Variants in WWC2 observed in about 807,000 individuals in gnomAD.
WWC2 encodes protein WWC2.
In WWC2, 101 loss-of-function variants were observed where a neutral mutation model predicts 138.5. The observed-to-expected ratio is 0.73, with a 90% confidence interval of 0.62 to 0.86. WWC2 has a LOEUF of 0.86. Among genes scored for constraint, WWC2 ranks in the 40% least tolerant of loss-of-function variants. The probability of loss-of-function intolerance (pLI) is 0.00; values close to 1 mark genes in which losing one functional copy is unlikely to be tolerated. For missense variants in WWC2, 1,420 were observed against 1,419.4 expected (o/e 1.00, Z -0.01); for synonymous variants, 558 against 538.4 (o/e 1.04, Z -0.50).
At chr4:183,210,248 TA>T (rs1162075414) in intron 4 of WWC2, among the ~76,000 whole-genome samples, 2 of 152,066 alleles carry the variant, frequency 1.3e-5, no homozygotes, top group Non-Finnish European at 2.9e-5. Context: ...AGATAGAGAA[TA>T]AAACAGTGGT....
chr4:183,198,089 C>A (rs1735193048), intron 2 of WWC2, among the ~76,000 whole-genome samples: 1 of 152,104 alleles, frequency 6.6e-6, no homozygotes, highest in Non-Finnish European at 1.5e-5. Context: ...TGTGGTCGCA[C>A]CTACTTGGGA....
chr4:183,264,319 A>T (rs1737425521), intron 11 of WWC2, among the ~76,000 whole-genome samples: 1 of 152,224 alleles, frequency 6.6e-6, no homozygotes, highest in South Asian at 2.1e-4. Flanking sequence ...GCAGCTCATT[A>T]CAGTACAGAG....
intron 9 of WWC2, 58 bp downstream of exon 9, chr4:183,254,057 A>C (rs1737065350): frequency 6.4e-7 from 1 of 1,569,132 alleles, no homozygotes; most frequent in African/African-American, 1.4e-5. Context: ...TCTTAACTGG[A>C]TACTATTTTC....
rs1251854404 is a variant in WWC2, at chr4:183,265,941, A to G, written c.2197A>G (p.Thr733Ala). ...RNLHAFLIPH[T>A]SKVYFRVAVL... ...CCTTCATGCCTTCTTGATACCTCATACTTCAAAAGTGTAAGTAAAATCAGC... is the reference window on the plus strand; with the variant it reads ...CCTTCATGCCTTCTTGATACCTCATGCTTCAAAAGTGTAAGTAAAATCAGC... The change falls in exon 14 of 23, where the codon ACT becomes GCT. Residue 733 changes from threonine to alanine, a missense_variant. Transcript: ENST00000403733. 6.2e-7 allele frequency: 1 copy of G among 1,611,866 alleles called. No homozygotes were observed. The highest frequency in any genetic ancestry group is 8.5e-7 in the Non-Finnish European group (1 of 1,178,924).
chr4:183,228,695 G>C (rs1434827105), intron 4 of WWC2, among the ~76,000 whole-genome samples: 1 of 152,078 alleles, frequency 6.6e-6, no homozygotes, highest in African/African-American at 2.4e-5. Flanking sequence ...TTAAGGATGT[G>C]GGGCAGCTGG....
intron 17 of WWC2, chr4:183,281,206 G>T: frequency 2.5e-6 from 1 of 407,560 alleles, no homozygotes. Context: ...GCTTATTGTA[G>T]AGTTATAGAT....
At position 183,320,224 on chromosome 4, in the gene WWC2, T is replaced by C. The variant is rs1203717619; in HGVS notation, c.*4495T>C. 3.1e-6 allele frequency: 5 copies of C among 1,608,792 alleles called. No homozygotes were observed. In the Admixed American group the frequency reaches 5.1e-5, roughly 16 times the overall value. On this transcript the variant is annotated 3_prime_UTR_variant, in exon 23 of 23. Transcript: ENST00000403733. ...GTTCTAAATACTAAAGCCATTATAATGTCCTGAGAGCTTTAGCCAAACTAA... is the reference window on the plus strand; with the variant it reads ...GTTCTAAATACTAAAGCCATTATAACGTCCTGAGAGCTTTAGCCAAACTAA...
intron 2 of WWC2, among the ~76,000 whole-genome samples, chr4:183,197,775 C>G (rs879187899): frequency 6.6e-6 from 1 of 152,072 alleles, no homozygotes; most frequent in African/African-American, 2.4e-5. Flanking sequence ...TTTACATACA[C>G]AAAAATGCAC....
intron 4 of WWC2, among the ~76,000 whole-genome samples, chr4:183,235,141 G>T (rs1049717620): frequency 1.3e-5 from 2 of 152,118 alleles, no homozygotes; most frequent in Non-Finnish European, 2.9e-5. Context: ...AATCATTCAG[G>T]TTGTCCATTA....
intron 15 of WWC2, among the ~76,000 whole-genome samples, chr4:183,270,408 T>C (rs1737661255): frequency 6.6e-6 from 1 of 152,186 alleles, no homozygotes; most frequent in Non-Finnish European, 1.5e-5. Context: ...GTGGAGTTTT[T>C]ATTTTTTTTT....
chr4:183,268,681 T>C (rs1399888363), intron 14 of WWC2, among the ~76,000 whole-genome samples: 1 of 152,174 alleles, frequency 6.6e-6, no homozygotes, highest in Non-Finnish European at 1.5e-5. Context: ...TAAATTCGTC[T>C]GCCCTACGGA....
Position 183,259,630 on chromosome 4 carries a change from T to C in WWC2, c.1197-9T>C, listed in dbSNP as rs745585647. The stretch of plus-strand genomic sequence containing the variant: ...ATAATCATTTGAAAATAATTTTTTT[T>C]CTTCCTAGATTGAGATTGGAAGAGA... On this transcript the variant is annotated splice_polypyrimidine_tract_variant and intron_variant, in intron 9 of 22. Transcript: ENST00000403733. The C allele has an allele frequency of 2.9e-5, 43 of 1,508,348 alleles. 2 individuals carry two copies. In the South Asian group the frequency reaches 5.5e-4, roughly 19 times the overall value. 93.4% of individuals were successfully genotyped at this position (1,508,348 alleles called of 1,614,324 possible).
chr4:183,107,316 C>G (rs1042359345), intron 1 of WWC2, among the ~76,000 whole-genome samples: 1 of 152,128 alleles, frequency 6.6e-6, no homozygotes, highest in Non-Finnish European at 1.5e-5. Flanking sequence ...CACAAGCCAC[C>G]ATGCCTGGGC....
chr4:183,113,509 T>TGCGCGCGC (rs1478298386), intron 1 of WWC2, among the ~76,000 whole-genome samples: 1 of 139,664 alleles, frequency 7.2e-6, no homozygotes, highest in Non-Finnish European at 1.5e-5. Flanking sequence ...TGTGTGTGTG[T>TGCGCGCGC]GTGTGTGCGC....
intron 21 of WWC2, among the ~76,000 whole-genome samples, chr4:183,293,718 A>G (rs1738539431): frequency 6.6e-6 from 1 of 152,236 alleles, no homozygotes; most frequent in African/African-American, 2.4e-5. Flanking sequence ...TATTATAAAT[A>G]GTAAGAGTTT....
intron 2 of WWC2, among the ~76,000 whole-genome samples, chr4:183,195,806 A>C (rs976566005): frequency 6.6e-6 from 1 of 151,972 alleles, no homozygotes; most frequent in Admixed American, 6.6e-5. Flanking sequence ...CACTTCCTCC[A>C]TTGTTCTCCA....
Position 183,317,700 on chromosome 4 carries a change from G to A in WWC2, c.*1971G>A, listed in dbSNP as rs1739487903. The stretch of plus-strand genomic sequence containing the variant: ...CTGTTTAATATATAGTTTGATTCTG[G>A]CCATTTTAAATATTTGACACAGAAG... On this transcript the variant is annotated 3_prime_UTR_variant, in exon 23 of 23. Coordinates refer to ENST00000403733, the MANE Select transcript of WWC2 (RefSeq NM_024949.6). 1 of 152,160 alleles carries A rather than the reference G, an allele frequency of 6.6e-6. No individual in the cohort carries two copies. Among genetic ancestry groups the A allele is most frequent in the Non-Finnish European group, 1.5e-5 (1 of 67,976 alleles). The allele number at this position is 152,160 out of a possible 1,614,324, so 9.4% of individuals were successfully genotyped here.
intron 1 of WWC2, among the ~76,000 whole-genome samples, chr4:183,182,893 T>A (rs986242318): frequency 1.3e-5 from 2 of 152,246 alleles, no homozygotes; most frequent in Admixed American, 6.5e-5. Context: ...TTTGAAAGAA[T>A]AAATTACAAC....
rs989935021 is a variant in WWC2, at chr4:183,320,548, G to A, written c.*4819G>A. 9.8e-6 allele frequency: 3 copies of A among 305,866 alleles called. No individual in the cohort carries two copies. The highest frequency in any genetic ancestry group is 2.2e-5 in the African/African-American group (1 of 46,376). The allele number at this position is 305,866 out of a possible 1,614,324, so 18.9% of individuals were successfully genotyped here. Reference sequence around the variant, plus strand: ...TTGTCAAGGTTAAAATGGCTTTCATGTTATTCCCAACCTTTCTAACAAAGA... The same window carrying A: ...TTGTCAAGGTTAAAATGGCTTTCATATTATTCCCAACCTTTCTAACAAAGA... On this transcript the variant is annotated 3_prime_UTR_variant, in exon 23 of 23. Transcript: ENST00000403733.
Sources: allele counts gnomAD v4.1 joint callset (sites outside exome capture counted in the v4.1 genomes callset), GRCh38; gene constraint gnomAD v4.1.1; transcripts MANE v1.5; gene names NCBI Gene and HGNC (gene_info 2026-07-23, HGNC 2026-07-21).